The following GOLPH3 variants were observed in gnomAD, a reference collection of about 807,000 sequenced individuals.
GOLPH3 encodes golgi phosphoprotein 3, also known as coat protein GPP34.
A neutral mutation model predicts 28.5 loss-of-function variants in GOLPH3; 14 were observed. The observed-to-expected ratio is 0.49, with a 90% CI of 0.32 to 0.77. The LOEUF is 0.77. Ranked by LOEUF, GOLPH3 falls within the 30% of genes least tolerant of loss-of-function variation. The probability of loss-of-function intolerance (pLI) is 0.03; values close to 1 mark genes in which losing one functional copy is unlikely to be tolerated. For missense variants in GOLPH3, 350 were observed against 393.7 expected (o/e 0.89, Z 0.94); for synonymous variants, 158 against 159.2 (o/e 0.99, Z 0.06).
chr5:32,142,431 G>A (rs528409532), intron 2 of GOLPH3, among the ~76,000 whole-genome samples: 3 of 151,554 alleles, frequency 2.0e-5, no homozygotes, highest in Admixed American at 6.5e-5. Flanking sequence ...CGGGAAGTGA[G>A]GAGCGTCTCC....
At chr5:32,156,527 A>G (rs59774351) in intron 1 of GOLPH3, among the ~76,000 whole-genome samples, 1,617 of 152,068 alleles carry the variant, frequency 0.011, 34 homozygotes, top group African/African-American at 0.037. Context: ...TCTGTTGTTT[A>G]TAAGTCACAC....
intron 1 of GOLPH3, among the ~76,000 whole-genome samples, chr5:32,159,951 G>GT (rs1746539018): frequency 6.6e-6 from 1 of 152,182 alleles, no homozygotes; most frequent in Non-Finnish European, 1.5e-5. Flanking sequence ...CAAGTCCTAT[G>GT]TAAGTTTTAT....
In GOLPH3 at chr5:32,158,023, T is replaced by TACACACACAC. The variant is rs368465798; in HGVS notation, c.226-14153_226-14144dup. The stretch of plus-strand genomic sequence containing the variant: ...TAAATAAATAAATAAATAAATAAAA[T>TACACACACAC]ACACACACACACACACACACACACA... On this transcript the variant is annotated intron_variant, in intron 1 of 3. Coordinates refer to ENST00000265070, the MANE Select transcript of GOLPH3 (RefSeq NM_022130.4). Among the ~76,000 whole-genome samples, 88 of 26,750 alleles carry TACACACACAC rather than the reference T, an allele frequency of 3.3e-3. 5 individuals are homozygous for TACACACACAC. Among genetic ancestry groups the TACACACACAC allele is most frequent in the Admixed American group, 5.5e-3 (10 of 1,832 alleles). 17.5% of individuals were successfully genotyped at this position (26,750 alleles called of 152,430 possible).
chr5:32,145,073 G>A (rs1412201497), intron 1 of GOLPH3, among the ~76,000 whole-genome samples: 1 of 152,204 alleles, frequency 6.6e-6, no homozygotes, highest in Non-Finnish European at 1.5e-5. Flanking sequence ...CTTTTCCAAG[G>A]TCAATCCTGG....
intron 3 of GOLPH3, among the ~76,000 whole-genome samples, chr5:32,133,547 C>A (rs900878029): frequency 6.6e-6 from 1 of 152,192 alleles, no homozygotes; most frequent in Non-Finnish European, 1.5e-5. Flanking sequence ...AAACAATGTA[C>A]AAAATGATCC....
intron 1 of GOLPH3, among the ~76,000 whole-genome samples, chr5:32,171,140 G>A (rs1057485359): frequency 9.9e-5 from 15 of 152,196 alleles, no homozygotes; most frequent in Admixed American, 9.2e-4. Context: ...CCCAATCACC[G>A]AAAAACAGCA....
intron 2 of GOLPH3, among the ~76,000 whole-genome samples, chr5:32,141,162 CAAAAA>C (rs5867132): frequency 8.6e-6 from 1 of 116,190 alleles, no homozygotes; most frequent in Admixed American, 8.6e-5. Flanking sequence ...GACTCAGTCT[CAAAAA>C]AAAAAAAAAA....
intron 1 of GOLPH3, among the ~76,000 whole-genome samples, chr5:32,167,400 G>A (rs1373855233): frequency 6.6e-6 from 1 of 152,124 alleles, no homozygotes; most frequent in Non-Finnish European, 1.5e-5. Context: ...TTGAACTCCT[G>A]ACCTCAGGTG....
intron 2 of GOLPH3, among the ~76,000 whole-genome samples, chr5:32,137,350 A>AC (rs1745958766): frequency 6.6e-6 from 1 of 152,008 alleles, no homozygotes; most frequent in South Asian, 2.1e-4. Flanking sequence ...AAATACTGCA[A>AC]CTTTTTTTTA....
chr5:32,170,734 A>G (rs1193351774), intron 1 of GOLPH3, among the ~76,000 whole-genome samples: 1 of 152,084 alleles, frequency 6.6e-6, no homozygotes, highest in African/African-American at 2.4e-5. Context: ...CAGGAGTTTG[A>G]GTGCAGCCTG....
intron 2 of GOLPH3, 26 bp downstream of exon 2, chr5:32,143,723 A>G: frequency 6.3e-7 from 1 of 1,583,784 alleles, no homozygotes; most frequent in Non-Finnish European, 8.6e-7. Context: ...CTCTTTAAAA[A>G]GAATGTTACT....
chr5:32,160,707 G>A (rs1746551816), intron 1 of GOLPH3, among the ~76,000 whole-genome samples: 1 of 152,164 alleles, frequency 6.6e-6, no homozygotes, highest in South Asian at 2.1e-4. Context: ...CTAAGAATTG[G>A]CTGCTAGGTA....
chr5:32,135,639 T>A lies in GOLPH3; in HGVS notation c.405A>T (p.Glu135Asp). The change falls in exon 3 of 4, where the codon GAA becomes GAT. Residue 135 changes from glutamate (E) to aspartate (D), a missense_variant. Glu to Asp is a conservative substitution (Grantham distance 45, BLOSUM62 2). Transcript: ENST00000265070. ...GAGTTTCCTTAACATGCTTCAGAGC[T>A]TCATCAAGAAGAACATCCCCTGTTG... is the stretch of plus-strand genomic sequence containing the variant. The part of the protein sequence containing the change: ...DAPTGDVLLD[E>D]ALKHVKETQP... 6.2e-7 allele frequency: 1 copy of A among 1,613,898 alleles called. No individual in the cohort carries two copies. The highest frequency in any genetic ancestry group is 8.5e-7 in the Non-Finnish European group (1 of 1,179,814).
At position 32,131,014 on chromosome 5, in the gene GOLPH3, C is replaced by T. The variant is rs371050997; in HGVS notation, c.473-4378G>A. On this transcript the variant is annotated intron_variant, in intron 3 of 3. Transcript: ENST00000265070. ...GACCACCTTCAAATAAAGTATTCCACTTATGACTGGCCCTTCCTACTGGCA... is the reference window on the plus strand; with the variant it reads ...GACCACCTTCAAATAAAGTATTCCATTTATGACTGGCCCTTCCTACTGGCA... Among the ~76,000 whole-genome samples, 146 of 152,296 alleles carry T rather than the reference C, an allele frequency of 9.6e-4. 1 individual carries two copies. Among genetic ancestry groups the T allele is most frequent in the African/African-American group, 2.9e-3 (120 of 41,562 alleles).
At chr5:32,167,787 A>G (rs2111897951) in intron 1 of GOLPH3, among the ~76,000 whole-genome samples, 1 of 152,018 alleles carries the variant, frequency 6.6e-6, no homozygotes, top group African/African-American at 2.4e-5. Context: ...CTCTACAAAA[A>G]AAAATTTTTT....
intron 1 of GOLPH3, among the ~76,000 whole-genome samples, chr5:32,163,236 T>G (rs1412928566): frequency 2.0e-5 from 3 of 152,232 alleles, no homozygotes. Flanking sequence ...ATCCTCCCTA[T>G]GTACATCCTT....
intron 1 of GOLPH3, among the ~76,000 whole-genome samples, chr5:32,158,226 T>C (rs953442080): frequency 1.3e-5 from 2 of 151,326 alleles, no homozygotes; most frequent in East Asian, 1.9e-4. Flanking sequence ...ATATCAGATA[T>C]TTCAAAACCC....
rs192633198 is a variant in GOLPH3 at position 32,126,405 on chromosome 5, C to T, written c.704G>A (p.Arg235His). 1.4e-4 allele frequency: 221 copies of T among 1,614,150 alleles called. No homozygotes were observed. Among genetic ancestry groups the T allele is most frequent in the Admixed American group, 2.2e-4 (13 of 60,024 alleles). Residue 235 changes from arginine (R) to histidine (H), a missense_variant, in exon 4 of 4, where the codon CGC becomes CAC. Coordinates refer to ENST00000265070, the MANE Select transcript of GOLPH3 (RefSeq NM_022130.4). ...AGCCAGGTAAATGAGGGCCAGCAAG[C>T]GCCTGTCCATGCGGTGAGGGTCATT... is the stretch of plus-strand genomic sequence containing the variant. ...WVNDPHRMDR[R>H]LLALIYLAHA...
At chr5:32,170,287 T>C (rs1197014785) in intron 1 of GOLPH3, among the ~76,000 whole-genome samples, 1 of 152,182 alleles carries the variant, frequency 6.6e-6, no homozygotes, top group Non-Finnish European at 1.5e-5. Flanking sequence ...CCCTGAGGAA[T>C]GGGTAGTGAC....
Sources: gnomAD v4.1 joint callset for allele counts (sites outside exome capture counted in the v4.1 genomes callset) on GRCh38, gnomAD v4.1.1 for gene constraint, MANE v1.5 for transcripts, NCBI Gene and HGNC (gene_info 2026-07-23, HGNC 2026-07-21) for gene names.